SEC14L5: variants seen among roughly 807,000 people sequenced by gnomAD.
SEC14L5 encodes SEC14 like lipid binding 5.
In SEC14L5, 96 loss-of-function variants were observed where a neutral mutation model predicts 84.6. The observed-to-expected ratio is 1.13, with a 90% CI of 0.96 to 1.34. The LOEUF (loss-of-function observed/expected upper bound fraction) is 1.34. Ranked by LOEUF, SEC14L5 falls within the 40% of genes most tolerant of loss-of-function variation. SEC14L5 has a pLI of 0.00. For missense variants in SEC14L5, 1,224 were observed against 942.5 expected (o/e 1.30, Z -3.91); for synonymous variants, 546 against 383.4 (o/e 1.42, Z -4.95).
chr16:4,959,030 G>C (rs1475177539), intron 1 of SEC14L5, among the ~76,000 whole-genome samples: 1 of 151,822 alleles, frequency 6.6e-6, no homozygotes, highest in African/African-American at 2.4e-5. Context: ...AGGGGTGGGG[G>C]TAGAGGAAAG....
chr16:4,983,533 TTTATA>T (rs1955450928), intron 2 of SEC14L5, among the ~76,000 whole-genome samples: 1 of 150,052 alleles, frequency 6.7e-6, no homozygotes, highest in Non-Finnish European at 1.5e-5. Context: ...ATTGTGTATA[TTTATA>T]TTAACATATA....
At position 5,014,914 on chromosome 16, in the gene SEC14L5, G is replaced by A. The variant is rs201032221; in HGVS notation, c.2035G>A (p.Ala679Thr). ...CAGCGGCTTCTCCCAGCTCAGCGCC[G>A]CCACCTCGTCCTCCTCCTCCGGCCA... Reference protein sequence around the residue: ...CTSGFSQLSAATSSSSSGQSH... With the variant: ...CTSGFSQLSATTSSSSSGQSH... Residue 679 changes from alanine (A) to threonine (T), a missense_variant, in exon 16 of 16, where the codon GCC becomes ACC. Physicochemically the swap from Ala to Thr is moderately conservative, Grantham distance 58. Transcript: ENST00000251170. 8.7e-6 allele frequency: 14 copies of A among 1,613,214 alleles called. 1 individual carries two copies. The Admixed American group carries it at 1.2e-4, about 13-fold the overall frequency.
At chr16:5,008,963 G>A (rs1007364574) in intron 14 of SEC14L5, among the ~76,000 whole-genome samples, 4 of 152,236 alleles carry the variant, frequency 2.6e-5, no homozygotes, top group African/African-American at 9.6e-5. Flanking sequence ...GGATCCAACT[G>A]TATTTGTTTC....
chr16:4,986,801 A>C (rs1955492287), intron 2 of SEC14L5, among the ~76,000 whole-genome samples: 2 of 152,126 alleles, frequency 1.3e-5, no homozygotes, highest in African/African-American at 4.8e-5. Flanking sequence ...TTGTAAATAG[A>C]ATTTTTTCAT....
chr16:4,991,326 C>A (rs374251725), intron 5 of SEC14L5, among the ~76,000 whole-genome samples: 1 of 151,724 alleles, frequency 6.6e-6, no homozygotes, highest in African/African-American at 2.4e-5. Flanking sequence ...CTTAATTCTC[C>A]GAGGTTGGAG....
chr16:4,990,080 T>C (rs1010865047), intron 4 of SEC14L5, among the ~76,000 whole-genome samples: 1 of 151,450 alleles, frequency 6.6e-6, no homozygotes, highest in Non-Finnish European at 1.5e-5. Context: ...ATTTAAAAAA[T>C]CTATATCTAA....
At position 5,018,997 on chromosome 16, in the gene SEC14L5, A is replaced by C. The variant is rs993691634; in HGVS notation, c.*4027A>C. The C allele has an allele frequency of 4.6e-5, 7 of 152,160 alleles. No individual in the cohort carries two copies. Among genetic ancestry groups the C allele is most frequent in the African/African-American group, 1.7e-4 (7 of 41,428 alleles). The allele number at this position is 152,160 out of a possible 1,614,324, so 9.4% of individuals were successfully genotyped here. A position where few individuals can be genotyped will look rare whatever the true frequency, so the allele number is the denominator to read the frequency against. ...TAAACTTGCATCGTCAGCTTCCTAA[A>C]ACCCTGGAGGTTTCCCGTGGGCTCG... On this transcript the variant is annotated 3_prime_UTR_variant, in exon 16 of 16. Coordinates refer to ENST00000251170, the MANE Select transcript of SEC14L5 (RefSeq NM_014692.2).
chr16:4,991,923 G>T lies in SEC14L5; in HGVS notation c.560G>T (p.Arg187Leu). ...HIPRWTPAPV[R>L]EEDARNQAGP... Reference sequence around the variant, plus strand: ...CCGCGCTGGACGCCTGCCCCAGTCCGTGAGGAGGATGCCCGCAACCAGGCT... The same window carrying T: ...CCGCGCTGGACGCCTGCCCCAGTCCTTGAGGAGGATGCCCGCAACCAGGCT... The change falls in exon 6 of 16, where the codon CGT becomes CTT. Residue 187 changes from arginine to leucine, a missense_variant. Transcript: ENST00000251170. The T allele has an allele frequency of 1.9e-6, 3 of 1,606,202 alleles. No individual in the cohort carries two copies. Among genetic ancestry groups the T allele is most frequent in the Non-Finnish European group, 2.5e-6 (3 of 1,178,392 alleles).
At chr16:5,012,476 A>G (rs2142537164) in intron 15 of SEC14L5, among the ~76,000 whole-genome samples, 1 of 152,304 alleles carries the variant, frequency 6.6e-6, no homozygotes, top group Admixed American at 6.5e-5. Context: ...GGTGGCTCGG[A>G]TCGTGGGGGG....
chr16:4,991,277 T>C (rs575336598), intron 5 of SEC14L5, among the ~76,000 whole-genome samples: 1 of 151,594 alleles, frequency 6.6e-6, no homozygotes, highest in East Asian at 2.0e-4. Context: ...AAATTAACTT[T>C]AATAACAAAT....
intron 6 of SEC14L5, among the ~76,000 whole-genome samples, chr16:4,994,975 C>T (rs1955594101): frequency 6.6e-6 from 1 of 152,158 alleles, no homozygotes; most frequent in Admixed American, 6.5e-5. Context: ...TCCCTCATCC[C>T]ATCCTCACTC....
In SEC14L5 at chr16:5,015,099, G is replaced by C; in HGVS notation, c.*129G>C. 1 of 698,970 alleles carries C rather than the reference G, an allele frequency of 1.4e-6. No homozygotes were observed. 43.3% of individuals were successfully genotyped at this position (698,970 alleles called of 1,614,324 possible). On this transcript the variant is annotated 3_prime_UTR_variant, in exon 16 of 16. Transcript: ENST00000251170. ...CCCAGGCCTAGATGCTGCCCAAGTT[G>C]GGGTGTCTGGAGCGGATGGCAAGGA...
chr16:4,963,768 C>G (rs1955159297), intron 2 of SEC14L5, among the ~76,000 whole-genome samples: 3 of 152,364 alleles, frequency 2.0e-5, no homozygotes, highest in Middle Eastern at 6.8e-3. Flanking sequence ...ATCCTCCTGC[C>G]TTAGTCTCCA....
At chr16:5,005,643 C>T (rs917083587) in intron 11 of SEC14L5, among the ~76,000 whole-genome samples, 3 of 151,708 alleles carry the variant, frequency 2.0e-5, no homozygotes, top group Non-Finnish European at 4.4e-5. Flanking sequence ...AGGTGGATCA[C>T]GAGGTCAGGA....
chr16:5,002,161 C>G (rs1405534288), intron 10 of SEC14L5, among the ~76,000 whole-genome samples: 1 of 152,176 alleles, frequency 6.6e-6, no homozygotes, highest in African/African-American at 2.4e-5. Flanking sequence ...GTAGCAGGTG[C>G]CCTTCTAAGC....
At chr16:4,995,307 A>C (rs1412173396) in intron 6 of SEC14L5, among the ~76,000 whole-genome samples, 3 of 152,118 alleles carry the variant, frequency 2.0e-5, no homozygotes, top group Non-Finnish European at 4.4e-5. Context: ...GGGGAACAGG[A>C]CTCAAGCTTG....
chr16:5,003,378 G>T (rs781776873), intron 10 of SEC14L5, 24 bp from the exon 11 acceptor site: 1 of 1,603,330 alleles, frequency 6.2e-7, no homozygotes, highest in South Asian at 1.1e-5. Flanking sequence ...GAGCCAGGTG[G>T]AGCTGGGGCT....
chr16:4,958,793 T>C (rs1015313919), intron 1 of SEC14L5, among the ~76,000 whole-genome samples: 11 of 152,152 alleles, frequency 7.2e-5, no homozygotes, highest in Admixed American at 1.3e-4. Context: ...ATGTGTGTGA[T>C]AGAGACAGTG....
chr16:4,985,249 G>A lies in SEC14L5; in HGVS notation c.64-2308G>A, dbSNP rs8044654. On this transcript the variant is annotated intron_variant, in intron 2 of 15. Coordinates refer to ENST00000251170, the MANE Select transcript of SEC14L5 (RefSeq NM_014692.2). ...TTTATTTGTTTATTTTTTTGAGATG[G>A]AGTTTTGCTCTTGTCGCCCAGGCTG... Among the ~76,000 whole-genome samples the A allele has an allele frequency of 4.3e-3, 659 of 152,058 alleles. 5 individuals carry two copies. Among genetic ancestry groups the A allele is most frequent in the African/African-American group, 0.015 (631 of 41,478 alleles).
Sources: gnomAD v4.1 joint callset for allele counts (sites outside exome capture counted in the v4.1 genomes callset) on GRCh38, gnomAD v4.1.1 for gene constraint, MANE v1.5 for transcripts, NCBI Gene and HGNC (gene_info 2026-07-23, HGNC 2026-07-21) for gene names.